The following APOH variants were observed in gnomAD, a reference collection of about 807,000 sequenced individuals.
APOH encodes the protein apolipoprotein H.
APOH carries 48 observed loss-of-function variants against 39.8 expected under a neutral mutation model. The observed-to-expected ratio is 1.21, with a 90% CI of 0.96 to 1.54. The LOEUF (loss-of-function observed/expected upper bound fraction) is 1.54, where lower values mean the gene tolerates loss of function less well. Among genes scored for constraint, APOH ranks in the 40% most tolerant of loss-of-function variants. The probability of loss-of-function intolerance (pLI) is 0.00; values close to 1 mark genes in which losing one functional copy is unlikely to be tolerated. For synonymous variants in APOH, 153 were observed against 151.1 expected (o/e 1.01, Z -0.09); for missense variants, 415 against 421.2 (o/e 0.99, Z 0.13).
At chr17:66,226,239 C>T (rs1254681160) in intron 2 of APOH, 115 bp from the exon 3 acceptor site, 5 of 738,810 alleles carry the variant, frequency 6.8e-6, no homozygotes, top group Non-Finnish European at 1.1e-5. Flanking sequence ...TCATTTTCAT[C>T]CTTTGGTTCA....
At chr17:66,224,493 A>AAG (rs2073422996) in intron 3 of APOH, among the ~76,000 whole-genome samples, 1 of 102,276 alleles carries the variant, frequency 9.8e-6, no homozygotes, top group Non-Finnish European at 2.6e-5. Flanking sequence ...AAAAAAAAAG[A>AAG]AAAGAAAAGA....
chr17:66,221,815 T>C (rs758416317), intron 4 of APOH, among the ~76,000 whole-genome samples: 3 of 152,180 alleles, frequency 2.0e-5, no homozygotes, highest in Non-Finnish European at 4.4e-5. Context: ...CAAGTTATAC[T>C]AGCATAAAAG....
Position 66,216,817 on chromosome 17 carries a change from C to T in APOH, c.755G>A (p.Gly252Glu). ...ACAACTTGGCATGGCAGACCAGTTT[C>T]CCAGTTTGGTACATTCTATTTCTTC... ...GPEEIECTKL[G>E]NWSAMPSCKA... The change falls in exon 6 of 8, where the codon GGA becomes GAA. Residue 252 changes from glycine (G) to glutamate (E), a missense_variant. By Grantham distance (98) the Gly-to-Glu change is moderately conservative. Transcript: ENST00000205948. The T allele has an allele frequency of 6.2e-7, 1 of 1,606,608 alleles. No individual in the cohort carries two copies. The highest frequency in any genetic ancestry group is 8.5e-7 in the Non-Finnish European group (1 of 1,177,056).
intron 5 of APOH, among the ~76,000 whole-genome samples, chr17:66,219,893 G>C (rs2073386963): frequency 6.6e-6 from 1 of 152,102 alleles, no homozygotes; most frequent in African/African-American, 2.4e-5. Context: ...CTGAGTGACA[G>C]AGTGAGACTA....
In APOH at chr17:66,226,033, G is replaced by A. The variant is rs758337255; in HGVS notation, c.333C>T (p.Asn111=). ...EYPNTISFSC[N]TGFYLNGADS... ...AGTTCCATGAAAGTTCTTACCCAGT[G>A]TTACAAGAAAAACTGATCGTGTTGG... The change falls in exon 3 of 8, where the codon AAC becomes AAT. Residue 111 remains asparagine, a synonymous_variant. Transcript: ENST00000205948. The A allele has an allele frequency of 3.1e-6, 5 of 1,609,938 alleles. No individual in the cohort carries two copies. The highest frequency in any genetic ancestry group is 3.4e-6 in the Non-Finnish European group (4 of 1,177,454).
At chr17:66,215,236 A>G (rs1268791087) in intron 6 of APOH, among the ~76,000 whole-genome samples, 1 of 152,240 alleles carries the variant, frequency 6.6e-6, no homozygotes, top group East Asian at 1.9e-4. Flanking sequence ...TTCACACTCC[A>G]GAGCTCCCAG....
Position 66,228,150 on chromosome 17 carries a change from T to C in APOH, c.111A>G (p.Leu37=), listed in dbSNP as rs1300056995. Residue 37 remains leucine, a synonymous_variant, in exon 2 of 8, where the codon TTA becomes TTG. Coordinates refer to ENST00000205948, the MANE Select transcript of APOH (RefSeq NM_000042.3). The part of the protein sequence containing the change: ...DDLPFSTVVP[L]KTFYEPGEEI... ...CTTCTCCTGGCTCATAGAATGTTTT[T>C]AACGGGACCACTGTGGAAAATGGTA... The C allele has an allele frequency of 6.2e-7, 1 of 1,614,060 alleles. No individual in the cohort carries two copies. The highest frequency in any genetic ancestry group is 1.3e-5 in the African/African-American group (1 of 74,918).
chr17:66,228,118 G>A lies in APOH; in HGVS notation c.143C>T (p.Thr48Met), dbSNP rs1394413014. 32 of 1,614,156 alleles carry A rather than the reference G, an allele frequency of 2.0e-5. No individual in the cohort carries two copies. Among genetic ancestry groups the A allele is most frequent in the Non-Finnish European group, 2.5e-5 (30 of 1,180,006 alleles). ...KTFYEPGEEI[T>M]YSCKPGYVSR... ...CACATAGCCCGGCTTGCAGGAATAC[G>A]TAATCTCTTCTCCTGGCTCATAGAA... is the stretch of plus-strand genomic sequence containing the variant. The change falls in exon 2 of 8, where the codon ACG becomes ATG. Residue 48 changes from threonine to methionine, a missense_variant. Thr to Met is a moderately conservative substitution (Grantham distance 81). Transcript: ENST00000205948.
intron 2 of APOH, among the ~76,000 whole-genome samples, chr17:66,226,768 G>A (rs960197952): frequency 1.3e-5 from 2 of 152,022 alleles, no homozygotes; most frequent in Non-Finnish European, 2.9e-5. Flanking sequence ...ATATGCTGAT[G>A]AAAACAGAAA....
In APOH at chr17:66,219,940, A is replaced by G. The variant is rs1044177240; in HGVS notation, c.604+614T>C. Among the ~76,000 whole-genome samples, 8 of 152,198 alleles carry G rather than the reference A, an allele frequency of 5.3e-5. No individual in the cohort carries two copies. The East Asian group carries it at 1.2e-3, about 22-fold the overall frequency. On this transcript the variant is annotated intron_variant, in intron 5 of 7. Coordinates refer to ENST00000205948, the MANE Select transcript of APOH (RefSeq NM_000042.3). ...AGAAAAAAACAAACTATTTGTGCAC[A>G]TGATAAACTTTATAATTTGTCTGTT...
chr17:66,212,116 GGAA>G lies in APOH; in HGVS notation c.*14_*16del, dbSNP rs1419709080. ...AAGAAACAAGTGTGACATTTTGTGT[GGAA>G]TCTGAAAACCACCTTAGCATGGCTT... On this transcript the variant is annotated 3_prime_UTR_variant, in exon 8 of 8. Coordinates refer to ENST00000205948, the MANE Select transcript of APOH (RefSeq NM_000042.3). 6.2e-7 allele frequency: 1 copy of G among 1,606,258 alleles called. No homozygotes were observed. Among genetic ancestry groups the G allele is most frequent in the South Asian group, 1.1e-5 (1 of 90,682 alleles).
chr17:66,225,301 G>T (rs1048910624), intron 3 of APOH, among the ~76,000 whole-genome samples: 18 of 152,134 alleles, frequency 1.2e-4, no homozygotes, highest in African/African-American at 4.1e-4. Context: ...TATGCCCACC[G>T]TTAAGTGACT....
rs150681833 is a variant in APOH, at chr17:66,228,089, G to A, written c.172C>T (p.Arg58Ter). Residue 58 changes from arginine to a stop codon, truncating the protein, a stop_gained, in exon 2 of 8, where the codon CGA (arginine) becomes TGA (stop). Coordinates refer to ENST00000205948, the MANE Select transcript of APOH (RefSeq NM_000042.3). LOFTEE classifies it high-confidence loss of function. ...CAGATAAACTTTCTCATCCCTCCTCGGGACACATAGCCCGGCTTGCAGGAA... is the reference window on the plus strand; with the variant it reads ...CAGATAAACTTTCTCATCCCTCCTCAGGACACATAGCCCGGCTTGCAGGAA... The part of the protein sequence containing the change: ...TYSCKPGYVS[R>*]GGMRKFICPL... 11 of 1,614,160 alleles carry A rather than the reference G, an allele frequency of 6.8e-6. No homozygotes were observed. Among genetic ancestry groups the A allele is most frequent in the South Asian group, 1.1e-5 (1 of 91,084 alleles).
At chr17:66,228,305 C>A (rs946133120) in intron 1 of APOH, 109 bp from the exon 2 acceptor site, 10 of 1,178,098 alleles carry the variant, frequency 8.5e-6, no homozygotes, top group Non-Finnish European at 1.1e-5. Context: ...ATAAGCATAC[C>A]AAGTTGCATG....
intron 6 of APOH, 148 bp from the exon 7 acceptor site, chr17:66,214,798 A>C (rs950555645): frequency 3.0e-6 from 2 of 661,548 alleles, no homozygotes; most frequent in Non-Finnish European, 5.3e-6. Flanking sequence ...AAGTAATGGT[A>C]ATATGATTGC....
intron 6 of APOH, among the ~76,000 whole-genome samples, chr17:66,216,073 A>T (rs2073363149): frequency 6.6e-6 from 1 of 151,188 alleles, no homozygotes; most frequent in South Asian, 2.1e-4. Context: ...GGTGGCTCAC[A>T]TCTGTAATCA....
rs148116002 is a variant in APOH at position 66,227,305 on chromosome 17, CA to C, written c.241+714del. Among the ~76,000 whole-genome samples the C allele has an allele frequency of 3.7e-3, 568 of 152,268 alleles. 5 individuals carry two copies. The highest frequency in any genetic ancestry group is 0.013 in the African/African-American group (552 of 41,564). On this transcript the variant is annotated intron_variant, in intron 2 of 7. Coordinates refer to ENST00000205948, the MANE Select transcript of APOH (RefSeq NM_000042.3). ...CTTGCATGAACATGCATAACTTTGA[CA>C]AAGGTCCTGTTCATATAACCAAAAT...
In APOH at chr17:66,223,741, G is replaced by A. The variant is rs1325690640; in HGVS notation, c.372C>T (p.Cys124=). ...CCGGGCTCCATTTTCCTTCCTCAGTGCACTTGGCAGAATCAGCGCCATTCA... is the reference window on the plus strand; with the variant it reads ...CCGGGCTCCATTTTCCTTCCTCAGTACACTTGGCAGAATCAGCGCCATTCA... ...FYLNGADSAK[C]TEEGKWSPEL... is the part of the protein sequence containing the mutation. Residue 124 remains cysteine, a synonymous_variant, in exon 4 of 8, where the codon TGC becomes TGT. Transcript: ENST00000205948. 6.2e-7 allele frequency: 1 copy of A among 1,614,082 alleles called. No homozygotes were observed. Among genetic ancestry groups the A allele is most frequent in the Non-Finnish European group, 8.5e-7 (1 of 1,180,044 alleles).
At chr17:66,225,632 AGTT>A (rs1276792033) in intron 3 of APOH, among the ~76,000 whole-genome samples, 1 of 152,172 alleles carries the variant, frequency 6.6e-6, no homozygotes, top group African/African-American at 2.4e-5. Flanking sequence ...GTATTGCACT[AGTT>A]GTTATATTCT....
Sources: allele counts gnomAD v4.1 joint callset (sites outside exome capture counted in the v4.1 genomes callset), GRCh38; gene constraint gnomAD v4.1.1; transcripts MANE v1.5; gene names NCBI Gene and HGNC (gene_info 2026-07-23, HGNC 2026-07-21).